Variants in CNTN4 observed in about 807,000 individuals in gnomAD.
The protein encoded by CNTN4 is contactin-4.
CNTN4 carries 77 observed loss-of-function variants against 122.5 expected under a neutral mutation model. The ratio of observed to expected loss-of-function variants is 0.63; its 90% CI spans 0.52 to 0.76. The LOEUF is 0.76. Among genes scored for constraint, CNTN4 ranks in the 30% least tolerant of loss-of-function variants. The pLI, the probability that CNTN4 is intolerant of heterozygous loss-of-function variation, is 0.00. For synonymous variants in CNTN4, 512 were observed against 447.0 expected (o/e 1.15, Z -1.83); for missense variants, 1,256 against 1,259.1 (o/e 1.00, Z 0.04).
intron 12 of CNTN4, among the ~76,000 whole-genome samples, chr3:2,923,489 A>AG (rs2094446872): frequency 2.6e-5 from 4 of 152,224 alleles, no homozygotes; most frequent in Non-Finnish European, 5.9e-5. Flanking sequence ...AACCAAACAC[A>AG]AAGCCTACGA....
chr3:2,563,267 A>G lies in CNTN4; in HGVS notation c.-88-8149A>G, dbSNP rs900961254. Among the ~76,000 whole-genome samples the G allele has an allele frequency of 6.6e-5, 10 of 152,332 alleles. 1 individual carries two copies. Among genetic ancestry groups the G allele is most frequent in the Middle Eastern group, 6.8e-3 (2 of 294 alleles). On this transcript the variant is annotated intron_variant, in intron 3 of 24. Coordinates refer to ENST00000418658, the MANE Select transcript of CNTN4 (RefSeq NM_175607.3). ...TAAGTTTTTGAAATCTCATCAAACT[A>G]TACATAAAAAGAACGCATGTCAGTG...
intron 13 of CNTN4, among the ~76,000 whole-genome samples, chr3:2,977,761 C>G (rs953332757): frequency 2.0e-5 from 3 of 152,180 alleles, no homozygotes; most frequent in Non-Finnish European, 4.4e-5. Context: ...CTATAAAAAT[C>G]ATATTCACCT....
chr3:2,340,710 T>TATATATATAGAGAG, intron 3 of CNTN4, among the ~76,000 whole-genome samples: 29 of 18,304 alleles, frequency 1.6e-3, no homozygotes, highest in Non-Finnish European at 2.9e-3. Context: ...TATATATATA[T>TATATATATAGAGAG]AGAGAGAGAG....
intron 13 of CNTN4, among the ~76,000 whole-genome samples, chr3:2,971,799 C>T (rs1196039958): frequency 2.0e-5 from 3 of 152,132 alleles, no homozygotes; most frequent in Admixed American, 1.3e-4. Flanking sequence ...ATATTTCTTT[C>T]TTCCACTTAA....
At chr3:2,668,994 A>G (rs1329706023) in intron 4 of CNTN4, among the ~76,000 whole-genome samples, 1 of 152,182 alleles carries the variant, frequency 6.6e-6, no homozygotes, top group Non-Finnish European at 1.5e-5. Flanking sequence ...TCGGTTTGCC[A>G]GTATTTTATT....
intron 12 of CNTN4, 74 bp downstream of exon 12, chr3:2,903,079 C>A: frequency 6.9e-7 from 1 of 1,455,248 alleles, no homozygotes; most frequent in Non-Finnish European, 9.5e-7. Flanking sequence ...CTTTGCCAAG[C>A]ATAAATGTTC....
At position 2,360,979 on chromosome 3, in the gene CNTN4, C is replaced by G. The variant is rs988765783; in HGVS notation, c.-89+21746C>G. On this transcript the variant is annotated intron_variant, in intron 3 of 24. Transcript: ENST00000418658. ...TCCTCTAGCGTAATGAGTCAGAATA[C>G]TGATTGTTATAAATGTTCACTGTGG... Among the ~76,000 whole-genome samples the G allele has an allele frequency of 2.6e-5, 4 of 152,196 alleles. No homozygotes were observed. In the East Asian group the frequency reaches 5.8e-4, roughly 22 times the overall value.
chr3:2,361,715 C>G (rs1161969606), intron 3 of CNTN4, among the ~76,000 whole-genome samples: 2 of 152,084 alleles, frequency 1.3e-5, no homozygotes, highest in African/African-American at 4.8e-5. Flanking sequence ...CCTAAAAAAG[C>G]TGAAGAAATA....
chr3:2,252,928 C>G (rs1264790245), intron 2 of CNTN4, among the ~76,000 whole-genome samples: 1 of 151,928 alleles, frequency 6.6e-6, no homozygotes, highest in Non-Finnish European at 1.5e-5. Flanking sequence ...GTCTTTAAAG[C>G]TGATTTTTAA....
In CNTN4 at chr3:2,372,011, C is replaced by A. The variant is rs535398195; in HGVS notation, c.-89+32778C>A. ...TTGTGCTGTTTGGCTTAAATAGAAA[C>A]AATTTCATCTCATTTAAATAAACAA... On this transcript the variant is annotated intron_variant, in intron 3 of 24. Coordinates refer to ENST00000418658, the MANE Select transcript of CNTN4 (RefSeq NM_175607.3). Among the ~76,000 whole-genome samples the A allele has an allele frequency of 6.6e-5, 10 of 152,240 alleles. No homozygotes were observed. The South Asian group carries it at 1.7e-3, about 25-fold the overall frequency.
chr3:2,133,248 A>G (rs146730938), intron 2 of CNTN4, among the ~76,000 whole-genome samples: 69 of 152,286 alleles, frequency 4.5e-4, no homozygotes, highest in Non-Finnish European at 2.2e-4. Flanking sequence ...GACCTGGACT[A>G]TCTTCTTTAT....
chr3:2,951,904 C>T (rs112756630), intron 13 of CNTN4, among the ~76,000 whole-genome samples: 10,401 of 152,222 alleles, frequency 0.068, 508 homozygotes, highest in Non-Finnish European at 0.095. Flanking sequence ...GATCCCTGCA[C>T]TAGAAGGCTT....
intron 13 of CNTN4, among the ~76,000 whole-genome samples, chr3:2,974,618 A>T (rs1693247164): frequency 6.6e-6 from 1 of 152,174 alleles, no homozygotes; most frequent in Non-Finnish European, 1.5e-5. Context: ...CGAAATGGAG[A>T]GACGTCAGTT....
chr3:2,763,098 C>T (rs1047836835), intron 6 of CNTN4, among the ~76,000 whole-genome samples: 10 of 152,014 alleles, frequency 6.6e-5, no homozygotes, highest in Admixed American at 5.2e-4. Flanking sequence ...CGTGCCACCA[C>T]GCCCAGCTAA....
chr3:2,787,349 C>G lies in CNTN4; in HGVS notation c.359-32137C>G, dbSNP rs189983592. 2.2e-4 allele frequency among the ~76,000 whole-genome samples: 33 copies of G among 152,192 alleles called. 1 individual carries two copies. The highest frequency in any genetic ancestry group is 6.8e-3 in the Middle Eastern group (2 of 294). ...CGAGATCATGCCACTGCTCTCCAGC[C>G]TGGGCAGCAGAGCGAGACTCCGCCT... On this transcript the variant is annotated intron_variant, in intron 6 of 24. Transcript: ENST00000418658.
intron 4 of CNTN4, among the ~76,000 whole-genome samples, chr3:2,731,328 A>T (rs576529292): frequency 1.3e-5 from 2 of 152,270 alleles, no homozygotes; most frequent in South Asian, 4.1e-4. Flanking sequence ...GGGTTTATCC[A>T]TCCTAATTCA....
At chr3:2,593,747 C>A (rs957852292) in intron 4 of CNTN4, among the ~76,000 whole-genome samples, 2 of 152,054 alleles carry the variant, frequency 1.3e-5, no homozygotes, top group Non-Finnish European at 2.9e-5. Flanking sequence ...ATGATTAAAG[C>A]CAGTTTTGCC....
chr3:2,710,994 A>G (rs1478659958), intron 4 of CNTN4, among the ~76,000 whole-genome samples: 1 of 152,232 alleles, frequency 6.6e-6, no homozygotes, highest in Non-Finnish European at 1.5e-5. Context: ...ATAAAATGGC[A>G]GGGGTATGAA....
intron 7 of CNTN4, among the ~76,000 whole-genome samples, chr3:2,855,094 G>A (rs1050903228): frequency 4.6e-5 from 7 of 152,174 alleles, no homozygotes; most frequent in African/African-American, 1.7e-4. Flanking sequence ...GAAATTCTCA[G>A]TACTCCTGAA....
Sources: gnomAD v4.1 joint callset for allele counts (sites outside exome capture counted in the v4.1 genomes callset) on GRCh38, gnomAD v4.1.1 for gene constraint, MANE v1.5 for transcripts, NCBI Gene and HGNC (gene_info 2026-07-23, HGNC 2026-07-21) for gene names.